Variants in CDIP1 observed in about 807,000 individuals in gnomAD.
CDIP1 encodes the protein cell death-inducing p53-target protein 1.
In CDIP1, 9 loss-of-function variants were observed where a neutral mutation model predicts 17.7. The ratio of observed to expected loss-of-function variants is 0.51; its 90% CI spans 0.31 to 0.89. The LOEUF (loss-of-function observed/expected upper bound fraction) is 0.89, where lower values mean the gene tolerates loss of function less well. Ranked by LOEUF, CDIP1 falls within the 40% of genes least tolerant of loss-of-function variation. The pLI, the probability that CDIP1 is intolerant of heterozygous loss-of-function variation, is 0.05. For missense variants in CDIP1, 263 were observed against 277.9 expected (o/e 0.95, Z 0.38); for synonymous variants, 117 against 109.5 (o/e 1.07, Z -0.43).
chr16:4,515,057 ACT>A (rs1463639155), intron 1 of CDIP1: 3 of 152,158 alleles, frequency 2.0e-5, no homozygotes, highest in South Asian at 2.1e-4. Context: ...CTGTCACCAA[ACT>A]CTCTGAGCAC....
At chr16:4,524,117 C>A (rs2058977322) in intron 1 of CDIP1, 1 of 152,298 alleles carries the variant, frequency 6.6e-6, no homozygotes, top group Non-Finnish European at 1.5e-5. Flanking sequence ...TGATGGCCTG[C>A]AGCCCTAGAC....
At chr16:4,534,132 G>C (rs1028959691) in intron 1 of CDIP1, among the ~76,000 whole-genome samples, 4 of 151,992 alleles carry the variant, frequency 2.6e-5, no homozygotes, top group Non-Finnish European at 5.9e-5. Flanking sequence ...TGTATTTTTA[G>C]TAGAGGCGGG....
chr16:4,527,707 A>G (rs1018704570), intron 1 of CDIP1, among the ~76,000 whole-genome samples: 1 of 152,228 alleles, frequency 6.6e-6, no homozygotes, highest in Non-Finnish European at 1.5e-5. Context: ...ATTCACAGGC[A>G]AAGATGTTTA....
rs2058989433 is a variant in CDIP1, at chr16:4,525,397, A to G, written c.-104-10733T>C. On this transcript the variant is annotated intron_variant, in intron 1 of 5. Transcript: ENST00000567695. ...GCACTGGCTCAAGGAGGAGCTGAGG[A>G]GGACGATGGCGTGCAGTGAACGTTA... is the stretch of plus-strand genomic sequence containing the variant. Among the ~76,000 whole-genome samples the G allele has an allele frequency of 2.6e-5, 4 of 152,174 alleles. No homozygotes were observed. The South Asian group carries it at 8.3e-4, about 32-fold the overall frequency.
intron 1 of CDIP1, among the ~76,000 whole-genome samples, chr16:4,516,768 C>T (rs185415949): frequency 0.013 from 1,752 of 133,116 alleles, 37 homozygotes; most frequent in African/African-American, 0.048. Context: ...AGTGCAGTGG[C>T]GCGATCCTGG....
chr16:4,524,041 T>G (rs1364431830), intron 1 of CDIP1: 2 of 152,276 alleles, frequency 1.3e-5, no homozygotes, highest in Admixed American at 6.5e-5. Context: ...GACAGCGGTC[T>G]TCTTTGCTTG....
intron 1 of CDIP1, among the ~76,000 whole-genome samples, chr16:4,527,289 G>A (rs1043780201): frequency 9.9e-5 from 15 of 151,946 alleles, no homozygotes; most frequent in Non-Finnish European, 2.1e-4. Flanking sequence ...GGGTTTCACC[G>A]TGTTAGCCAG....
At chr16:4,521,050 T>TA (rs1162799329) in intron 1 of CDIP1, among the ~76,000 whole-genome samples, 2 of 152,012 alleles carry the variant, frequency 1.3e-5, no homozygotes, top group Non-Finnish European at 2.9e-5. Context: ...CAGGACTTAA[T>TA]AAAGTTGATT....
rs759888161 is a variant in CDIP1 at position 4,513,987 on chromosome 16, A to G, written c.85+59T>C. On this transcript the variant is annotated intron_variant, in intron 3 of 5. Transcript: ENST00000567695. The surrounding 1 kb of genome is among the most constrained non-coding windows in gnomAD (Gnocchi z 4.1). Reference sequence around the variant, plus strand: ...TGGGCATCACCACTTAGAGAGTCCCAACCATGCCATGGCGGCAGGGGGCTG... The same window carrying G: ...TGGGCATCACCACTTAGAGAGTCCCGACCATGCCATGGCGGCAGGGGGCTG... 338 of 1,351,578 alleles carry G rather than the reference A, an allele frequency of 2.5e-4. No homozygotes were observed. Among genetic ancestry groups the G allele is most frequent in the Non-Finnish European group, 3.2e-4 (322 of 999,092 alleles). The allele number at this position is 1,351,578 out of a possible 1,614,324, so 83.7% of individuals were successfully genotyped here. A position where few individuals can be genotyped will look rare whatever the true frequency, so the allele number is the denominator to read the frequency against.
At position 4,513,687 on chromosome 16, in the gene CDIP1, C is replaced by T. The variant is rs754733458; in HGVS notation, c.241+9G>A. The T allele has an allele frequency of 8.1e-6, 13 of 1,611,974 alleles. No homozygotes were observed. The South Asian group carries it at 1.4e-4, about 18-fold the overall frequency. ...CCCCATGCTCCCCTCAGATCCCTTC[C>T]CCACTCACCCGGAGGCATGTAGGTG... On this transcript the variant is annotated intron_variant, in intron 4 of 5. Coordinates refer to ENST00000567695, the MANE Select transcript of CDIP1 (RefSeq NM_013399.3). This position sits in a 1 kb window ranked among gnomAD's most constrained non-coding sequence, Gnocchi z 4.1.
At chr16:4,522,868 C>T (rs2058965032) in intron 1 of CDIP1, among the ~76,000 whole-genome samples, 1 of 152,230 alleles carries the variant, frequency 6.6e-6, no homozygotes, top group Admixed American at 6.5e-5. Flanking sequence ...GCTTGGCCCA[C>T]ACTAGGCCTT....
At chr16:4,517,019 A>C (rs1239205099) in intron 1 of CDIP1, among the ~76,000 whole-genome samples, 2 of 152,174 alleles carry the variant, frequency 1.3e-5, no homozygotes, top group African/African-American at 4.8e-5. Flanking sequence ...TACTTGACCA[A>C]ACCCTATTAA....
intron 1 of CDIP1, among the ~76,000 whole-genome samples, chr16:4,516,589 A>G (rs2058890153): frequency 6.6e-6 from 1 of 151,948 alleles, no homozygotes. Flanking sequence ...CCTGGCCTCA[A>G]ACAATCCTCC....
chr16:4,517,645 G>A (rs2058901744), intron 1 of CDIP1, among the ~76,000 whole-genome samples: 1 of 152,064 alleles, frequency 6.6e-6, no homozygotes, highest in South Asian at 2.1e-4. Flanking sequence ...GGAGGCTGAG[G>A]CAGGAGGATC....
intron 1 of CDIP1, among the ~76,000 whole-genome samples, chr16:4,527,369 G>C (rs1185461310): frequency 6.6e-6 from 1 of 152,144 alleles, no homozygotes; most frequent in African/African-American, 2.4e-5. Context: ...TTACAGGCAA[G>C]TGCCACCGCA....
At chr16:4,529,362 T>C (rs1050298506) in intron 1 of CDIP1, among the ~76,000 whole-genome samples, 1 of 152,196 alleles carries the variant, frequency 6.6e-6, no homozygotes, top group Non-Finnish European at 1.5e-5. Flanking sequence ...AAACGAGTGA[T>C]AGAGCCCATG....
chr16:4,517,161 CA>C (rs2058896905), intron 1 of CDIP1, among the ~76,000 whole-genome samples: 1 of 152,190 alleles, frequency 6.6e-6, no homozygotes, highest in South Asian at 2.1e-4. Flanking sequence ...GGTCAAAGGA[CA>C]TGAGCATTTT....
At chr16:4,521,055 T>G (rs571160516) in intron 1 of CDIP1, among the ~76,000 whole-genome samples, 6 of 151,922 alleles carry the variant, frequency 3.9e-5, no homozygotes, top group African/African-American at 1.4e-4. Flanking sequence ...CTTAATAAAG[T>G]TGATTTTTAC....
Position 4,514,928 on chromosome 16 carries a change from T to G in CDIP1, c.-104-264A>C, listed in dbSNP as rs1481220412. The stretch of plus-strand genomic sequence containing the variant: ...GCCTCCCCTCCCACCAGGCCTGAGC[T>G]CCCATGCATGAGGACTGGACTGCCA... On this transcript the variant is annotated intron_variant, in intron 1 of 5. Coordinates refer to ENST00000567695, the MANE Select transcript of CDIP1 (RefSeq NM_013399.3). This position sits in a 1 kb window ranked among gnomAD's most constrained non-coding sequence, Gnocchi z 5.2. 3.3e-5 allele frequency: 5 copies of G among 152,544 alleles called. No individual in the cohort carries two copies. The highest frequency in any genetic ancestry group is 1.2e-4 in the African/African-American group (5 of 41,416). The allele number at this position is 152,544 out of a possible 1,614,324, so 9.4% of individuals were successfully genotyped here.
Sources: allele counts gnomAD v4.1 joint callset (sites outside exome capture counted in the v4.1 genomes callset), GRCh38; gene constraint gnomAD v4.1.1; non-coding constraint Gnocchi (gnomAD v3.1); transcripts MANE v1.5; gene names NCBI Gene and HGNC (gene_info 2026-07-23, HGNC 2026-07-21).